TTC17: variants seen among roughly 807,000 people sequenced by gnomAD.
TTC17 encodes tetratricopeptide repeat domain 17, also known as tetratricopeptide repeat protein 17.
In TTC17, 58 loss-of-function variants were observed where a neutral mutation model predicts 143.8. That is an observed-to-expected ratio of 0.40 (90% CI 0.33 to 0.50). The LOEUF (loss-of-function observed/expected upper bound fraction) is 0.50. Among genes scored for constraint, TTC17 ranks in the 20% least tolerant of loss-of-function variants. The probability of loss-of-function intolerance (pLI) is 0.49; values close to 1 mark genes in which losing one functional copy is unlikely to be tolerated. For synonymous variants in TTC17, 501 were observed against 497.8 expected, an observed-to-expected ratio of 1.01 and a Z score of -0.09; for missense variants, 1,273 against 1,392.5, an observed-to-expected ratio of 0.91 and a Z score of 1.37.
In TTC17 at chr11:43,493,905, T is replaced by C. The variant is rs766353152; in HGVS notation, c.*1T>C. 2 of 1,588,564 alleles carry C rather than the reference T, an allele frequency of 1.3e-6. No individual in the cohort carries two copies. Among genetic ancestry groups the C allele is most frequent in the Non-Finnish European group, 1.7e-6 (2 of 1,165,220 alleles). On this transcript the variant is annotated 3_prime_UTR_variant, in exon 24 of 24. Coordinates refer to ENST00000039989, the MANE Select transcript of TTC17 (RefSeq NM_018259.6). ...GAAGAAGGGACGGCGCTCTCCTTAG[T>C]GCACTTCTTCCTTCTCTCTTTCTCT...
intron 21 of TTC17, among the ~76,000 whole-genome samples, chr11:43,454,257 C>T (rs1387196340): frequency 6.6e-6 from 1 of 151,962 alleles, no homozygotes; most frequent in East Asian, 1.9e-4. Context: ...CAGGTAATTT[C>T]CATACTGTTC....
At chr11:43,370,216 T>C (rs538942787) in intron 1 of TTC17, 4 of 379,594 alleles carry the variant, frequency 1.1e-5, no homozygotes, top group Non-Finnish European at 2.1e-5. Flanking sequence ...GATAATTCCA[T>C]GAGAAGTGGA....
At chr11:43,401,289 C>T (rs1051914727) in intron 9 of TTC17, among the ~76,000 whole-genome samples, 157 bp from the exon 10 acceptor site, 8 of 152,106 alleles carry the variant, frequency 5.3e-5, no homozygotes, top group African/African-American at 1.9e-4. Context: ...ATTTGATTAA[C>T]CATTAATGAA....
intron 17 of TTC17, among the ~76,000 whole-genome samples, chr11:43,443,817 G>A (rs549379596): frequency 6.6e-6 from 1 of 152,178 alleles, no homozygotes; most frequent in Non-Finnish European, 1.5e-5. Flanking sequence ...GTCAGAGCCT[G>A]CAGACTTGGA....
chr11:43,443,646 T>G, intron 17 of TTC17, 62 bp downstream of exon 17: 3 of 1,541,606 alleles, frequency 1.9e-6, no homozygotes, highest in South Asian at 2.6e-5. Context: ...GATCCTAATA[T>G]GCAAAGTGGG....
At chr11:43,408,613 A>C (rs752466231) in intron 15 of TTC17, among the ~76,000 whole-genome samples, 21 of 152,128 alleles carry the variant, frequency 1.4e-4, no homozygotes, top group Non-Finnish European at 2.6e-4. Context: ...AAGAAAAAAG[A>C]CCTCCTTTAG....
At chr11:43,451,036 A>T (rs1947647353) in intron 20 of TTC17, 146 bp from the exon 21 acceptor site, 2 of 652,164 alleles carry the variant, frequency 3.1e-6, no homozygotes. Context: ...TGTGTCTTCC[A>T]TAGATTACCT....
At chr11:43,377,999 G>C (rs1330986424) in intron 1 of TTC17, among the ~76,000 whole-genome samples, 1 of 152,076 alleles carries the variant, frequency 6.6e-6, no homozygotes, top group Non-Finnish European at 1.5e-5. Flanking sequence ...TACCTCCCGG[G>C]TTCAAGCAAT....
At chr11:43,483,739 A>G (rs906410004) in intron 21 of TTC17, among the ~76,000 whole-genome samples, 1 of 152,224 alleles carries the variant, frequency 6.6e-6, no homozygotes, top group Admixed American at 6.5e-5. Flanking sequence ...GATGATTCTT[A>G]CTGAGGAAAT....
intron 16 of TTC17, among the ~76,000 whole-genome samples, chr11:43,438,921 A>G (rs545174865): frequency 6.6e-6 from 1 of 152,308 alleles, no homozygotes; most frequent in South Asian, 2.1e-4. Context: ...TGATGATCCC[A>G]GTTTCTTCCC....
At chr11:43,401,763 G>T (rs1857865503) in intron 10 of TTC17, 1 of 455,826 alleles carries the variant, frequency 2.2e-6, no homozygotes, top group Non-Finnish European at 3.9e-6. Context: ...AGGATCACGA[G>T]CCCAGGAGTT....
At chr11:43,410,979 A>G (rs1858385420) in intron 15 of TTC17, among the ~76,000 whole-genome samples, 1 of 152,154 alleles carries the variant, frequency 6.6e-6, no homozygotes, top group Non-Finnish European at 1.5e-5. Context: ...TGTCTGGATT[A>G]TTTTAATAGC....
At chr11:43,373,257 C>T (rs1856638187) in intron 1 of TTC17, among the ~76,000 whole-genome samples, 1 of 151,508 alleles carries the variant, frequency 6.6e-6, no homozygotes, top group Non-Finnish European at 1.5e-5. Flanking sequence ...CATAACTGCT[C>T]AGAAGTAGCC....
intron 16 of TTC17, among the ~76,000 whole-genome samples, chr11:43,437,421 T>C (rs1361415739): frequency 6.6e-6 from 1 of 152,208 alleles, no homozygotes; most frequent in African/African-American, 2.4e-5. Context: ...TATTTTAGTC[T>C]GTATGTGAAG....
chr11:43,450,108 C>A lies in TTC17; in HGVS notation c.2813C>A (p.Thr938Asn). The change falls in exon 20 of 24, where the codon ACC (threonine) becomes AAC (asparagine). Residue 938 changes from threonine to asparagine, a missense_variant. Physicochemically the swap from Thr to Asn is moderately conservative, Grantham distance 65 (BLOSUM62 0). Around this residue, in one of 3 missense-constraint regions of TTC17, gnomAD observed 878 missense variants for 899.8 expected, o/e 0.98. Transcript: ENST00000039989. ...ATCACAGAACACATAGATTTTGCCA[C>A]CCCTATACAGCAGCCAGCAATGGAG... ...IDITEHIDFA[T>N]PIQQPAMEPL... The A allele has an allele frequency of 3.7e-6, 6 of 1,614,104 alleles. No individual in the cohort carries two copies. The highest frequency in any genetic ancestry group is 5.1e-6 in the Non-Finnish European group (6 of 1,179,982).
intron 9 of TTC17, 89 bp downstream of exon 9, chr11:43,400,137 C>G: frequency 7.0e-7 from 1 of 1,424,404 alleles, no homozygotes; most frequent in Non-Finnish European, 9.5e-7. Flanking sequence ...AGCCTTAAAG[C>G]AGTGTGAAGT....
chr11:43,364,454 G>A (rs1856250293), intron 1 of TTC17, among the ~76,000 whole-genome samples: 2 of 152,166 alleles, frequency 1.3e-5, no homozygotes, highest in African/African-American at 2.4e-5. Flanking sequence ...CTGTGAAGCT[G>A]ACAGCTTTAT....
chr11:43,474,313 T>A lies in TTC17; in HGVS notation c.3031-15926T>A, dbSNP rs1341466343. The stretch of plus-strand genomic sequence containing the variant: ...ATCTTAGGATACTATTTATCTTTTT[T>A]AAAAAATGGCAAGGGAAGAGTGGAT... On this transcript the variant is annotated intron_variant, in intron 21 of 23. Coordinates refer to ENST00000039989, the MANE Select transcript of TTC17 (RefSeq NM_018259.6). Among the ~76,000 whole-genome samples, 5 of 152,254 alleles carry A rather than the reference T, an allele frequency of 3.3e-5. No individual in the cohort carries two copies. In the South Asian group the frequency reaches 1.0e-3, roughly 32 times the overall value.
rs372681611 is a variant in TTC17, at chr11:43,448,046, G to A, written c.2710G>A (p.Glu904Lys). 15 of 1,613,990 alleles carry A rather than the reference G, an allele frequency of 9.3e-6. No individual in the cohort carries two copies. Among genetic ancestry groups the A allele is most frequent in the Middle Eastern group, 1.6e-4 (1 of 6,082 alleles). Residue 904 changes from glutamate (E) to lysine (K), a missense_variant, in exon 19 of 24, where the codon GAA becomes AAA. Around this residue, in one of 3 missense-constraint regions of TTC17, gnomAD observed 878 missense variants for 899.8 expected, o/e 0.98. Coordinates refer to ENST00000039989, the MANE Select transcript of TTC17 (RefSeq NM_018259.6). Reference protein sequence around the residue: ...YQRLGWPSPDECLKLRWVELT... With the variant: ...YQRLGWPSPDKCLKLRWVELT... ...GCGTCTGGGATGGCCCAGCCCGGAC[G>A]AATGCCTCAAACTCCGCTGGGTAGA... is the stretch of plus-strand genomic sequence containing the variant.
Sources: gnomAD v4.1 joint callset for allele counts (sites outside exome capture counted in the v4.1 genomes callset) on GRCh38, gnomAD v4.1.1 for gene constraint, gnomAD v4.1.1 regional missense constraint, MANE v1.5 for transcripts, NCBI Gene and HGNC (gene_info 2026-07-23, HGNC 2026-07-21) for gene names.